Variants in HIPK1 observed in about 807,000 individuals in gnomAD.
HIPK1 encodes the protein homeodomain interacting protein kinase 1, also known as homeodomain-interacting protein kinase 1.
A neutral mutation model predicts 117.1 loss-of-function variants in HIPK1; 28 were observed. That is an observed-to-expected ratio of 0.24 (90% CI 0.18 to 0.33). The LOEUF is 0.33. Among genes scored for constraint, HIPK1 ranks in the 10% least tolerant of loss-of-function variants. HIPK1 has a pLI of 1.00. For missense variants in HIPK1, 1,122 were observed against 1,475.1 expected, an observed-to-expected ratio of 0.76 and a Z score of 3.92; for synonymous variants, 605 against 562.5, an observed-to-expected ratio of 1.08 and a Z score of -1.07.
chr1:113,951,857 A>G (rs533760654), intron 2 of HIPK1, among the ~76,000 whole-genome samples: 11 of 151,742 alleles, frequency 7.2e-5, no homozygotes, highest in Non-Finnish European at 1.6e-4. Flanking sequence ...TGTGCTGTCA[A>G]CACCATGTCT....
intron 1 of HIPK1, among the ~76,000 whole-genome samples, chr1:113,940,093 CT>C: frequency 6.6e-6 from 1 of 152,154 alleles, no homozygotes; most frequent in East Asian, 1.9e-4. Context: ...GCTTGAGCCA[CT>C]GTGCCTGGCC....
chr1:113,963,666 A>G lies in HIPK1; in HGVS notation c.2238+145A>G, dbSNP rs534271913. On this transcript the variant is annotated intron_variant, in intron 10 of 15. Coordinates refer to ENST00000426820, the MANE Select transcript of HIPK1 (RefSeq NM_198268.3). ...GCTTAGTCTTTGCAGAGGGCATGGA[A>G]GCATGTGCCATCTTGTGGCTGTGTT... 245 of 806,732 alleles carry G rather than the reference A, an allele frequency of 3.0e-4. No homozygotes were observed. In the South Asian group the frequency reaches 4.5e-3, roughly 15 times the overall value. The allele number at this position is 806,732 out of a possible 1,614,324, so 50.0% of individuals were successfully genotyped here. A position where few individuals can be genotyped will look rare whatever the true frequency, so the allele number is the denominator to read the frequency against.
chr1:113,973,489 A>G lies in HIPK1; in HGVS notation c.3610A>G (p.Ile1204Val). The change falls in exon 16 of 16, where the codon ATC (isoleucine) becomes GTC (valine). Residue 1204 changes from isoleucine (I) to valine (V), a missense_variant. Ile to Val is a conservative substitution (Grantham distance 29). Transcript: ENST00000426820. ...TGGATACCCGCTGAGTCCTACCAAGATCAGCCAGTATTCCTACTTATAGTT... is the reference window on the plus strand; with the variant it reads ...TGGATACCCGCTGAGTCCTACCAAGGTCAGCCAGTATTCCTACTTATAGTT... The part of the protein sequence containing the change: ...YTGYPLSPTK[I>V]SQYSYL 2 of 1,596,198 alleles carry G rather than the reference A, an allele frequency of 1.3e-6. No homozygotes were observed. The highest frequency in any genetic ancestry group is 1.7e-6 in the Non-Finnish European group (2 of 1,169,226).
In HIPK1 at chr1:113,952,757, T is replaced by A. The variant is rs776623443; in HGVS notation, c.1077-9T>A. On this transcript the variant is annotated splice_polypyrimidine_tract_variant and intron_variant, in intron 2 of 15. Coordinates refer to ENST00000426820, the MANE Select transcript of HIPK1 (RefSeq NM_198268.3). ...TTTTTTTTAATCTGATATTTTTTGT[T>A]TTTGCTAGAGCTCCTGAAATTATTC... 10 of 1,459,184 alleles carry A rather than the reference T, an allele frequency of 6.9e-6. No homozygotes were observed. The highest frequency in any genetic ancestry group is 8.2e-6 in the Non-Finnish European group (9 of 1,102,228). 90.4% of individuals were successfully genotyped at this position (1,459,184 alleles called of 1,614,324 possible).
chr1:113,932,920 A>T (rs929167359), intron 1 of HIPK1, among the ~76,000 whole-genome samples: 2 of 152,076 alleles, frequency 1.3e-5, no homozygotes, highest in Non-Finnish European at 2.9e-5. Flanking sequence ...GCCTTACTTA[A>T]GTCCCGTTTT....
chr1:113,966,798 A>G lies in HIPK1; in HGVS notation c.2381+526A>G, dbSNP rs549478705. On this transcript the variant is annotated intron_variant, in intron 11 of 15. Transcript: ENST00000426820. ...ATGTACAATTAAGTTATTACTGACT[A>G]TAATCACCTATTGCGCTATCAAATA... Among the ~76,000 whole-genome samples the G allele has an allele frequency of 3.3e-5, 5 of 151,936 alleles. No homozygotes were observed. In the South Asian group the frequency reaches 6.2e-4, roughly 19 times the overall value.
At chr1:113,961,497 T>C (rs1395003969) in intron 8 of HIPK1, among the ~76,000 whole-genome samples, 3 of 152,180 alleles carry the variant, frequency 2.0e-5, no homozygotes, top group South Asian at 2.1e-4. Context: ...TTTTGAGGAA[T>C]GGGGAAAAGC....
At chr1:113,942,205 C>A (rs1171345119) in intron 2 of HIPK1, among the ~76,000 whole-genome samples, 14 of 151,988 alleles carry the variant, frequency 9.2e-5, no homozygotes, top group Admixed American at 8.5e-4. Flanking sequence ...GGACTACAGG[C>A]ACCTGCTACC....
chr1:113,941,743 A>C lies in HIPK1; in HGVS notation c.1076+284A>C, dbSNP rs1477490486. On this transcript the variant is annotated intron_variant, in intron 2 of 15. Coordinates refer to ENST00000426820, the MANE Select transcript of HIPK1 (RefSeq NM_198268.3). This position sits in a 1 kb window ranked among gnomAD's most constrained non-coding sequence, Gnocchi z 4.9. ...TAGTATTATTTTACCTCATTTTCCC[A>C]TTTTATTTATTTTATTTATTTATTT... 1.3e-5 allele frequency among the ~76,000 whole-genome samples: 2 copies of C among 151,626 alleles called. No individual in the cohort carries two copies. Among genetic ancestry groups the C allele is most frequent in the Non-Finnish European group, 2.9e-5 (2 of 67,954 alleles).
rs1382692304 is a variant in HIPK1, at chr1:113,973,779, C to G, written c.*267C>G. 2 of 313,880 alleles carry G rather than the reference C, an allele frequency of 6.4e-6. No individual in the cohort carries two copies. The highest frequency in any genetic ancestry group is 1.1e-4 in the East Asian group (2 of 18,394). 19.4% of individuals were successfully genotyped at this position (313,880 alleles called of 1,614,324 possible). On this transcript the variant is annotated 3_prime_UTR_variant, in exon 16 of 16. Coordinates refer to ENST00000426820, the MANE Select transcript of HIPK1 (RefSeq NM_198268.3). ...TTTGGTACTTGGAAGAGTTCAGATGCCCATCTTCTGCAGTTACCAAGGAAG... is the reference window on the plus strand; with the variant it reads ...TTTGGTACTTGGAAGAGTTCAGATGGCCATCTTCTGCAGTTACCAAGGAAG...
chr1:113,940,778 G>A lies in HIPK1; in HGVS notation c.395G>A (p.Ser132Asn), dbSNP rs1271306053. ...GLKRKSEEVD[S>N]NGSVQIIEEH... ...AAACGAAAAAGTGAGGAAGTTGACA[G>A]CAACGGTAGTGTGCAGATCATAGAA... Residue 132 changes from serine (S) to asparagine (N), a missense_variant, in exon 2 of 16, where the codon AGC (serine) becomes AAC (asparagine). Physicochemically the swap from Ser to Asn is conservative, Grantham distance 46. This residue lies in a region of HIPK1 where 192 missense variants were observed against 234.0 expected (regional missense o/e 0.82). Coordinates refer to ENST00000426820, the MANE Select transcript of HIPK1 (RefSeq NM_198268.3). The A allele has an allele frequency of 6.2e-7, 1 of 1,614,094 alleles. No homozygotes were observed. The highest frequency in any genetic ancestry group is 1.7e-5 in the Admixed American group (1 of 60,024).
rs1411144736 is a variant in HIPK1 at position 113,958,077 on chromosome 1, A to G, written c.1767A>G (p.Leu589=). The change falls in exon 8 of 16, where the codon CTA becomes CTG. Residue 589 remains leucine (L), a synonymous_variant. Transcript: ENST00000426820. The part of the protein sequence containing the change: ...LNTVHNQASV[L]ASSSTAAAAT... Reference sequence around the variant, plus strand: ...CCTTTTGTTTTTAGGCCAGTGTTCTAGCTTCCAGTTCTACTGCAGCAGCTG... The same window carrying G: ...CCTTTTGTTTTTAGGCCAGTGTTCTGGCTTCCAGTTCTACTGCAGCAGCTG... 1 of 1,613,548 alleles carries G rather than the reference A, an allele frequency of 6.2e-7. No homozygotes were observed. Among genetic ancestry groups the G allele is most frequent in the Non-Finnish European group, 8.5e-7 (1 of 1,179,452 alleles).
At chr1:113,938,679 G>A (rs1670413638) in intron 1 of HIPK1, among the ~76,000 whole-genome samples, 1 of 151,546 alleles carries the variant, frequency 6.6e-6, no homozygotes, top group Non-Finnish European at 1.5e-5. Flanking sequence ...GAGGGTGAGG[G>A]GGGTGGATCA....
At position 113,952,835 on chromosome 1, in the gene HIPK1, A is replaced by G. The variant is rs1373709670; in HGVS notation, c.1146A>G (p.Ile382Met). 1.9e-6 allele frequency: 3 copies of G among 1,558,390 alleles called. No homozygotes were observed. Among genetic ancestry groups the G allele is most frequent in the Non-Finnish European group, 2.6e-6 (3 of 1,149,568 alleles). Residue 382 changes from isoleucine (I) to methionine (M), a missense_variant, in exon 3 of 16, where the codon ATA becomes ATG. Coordinates refer to ENST00000426820, the MANE Select transcript of HIPK1 (RefSeq NM_198268.3). Reference sequence around the variant, plus strand: ...ATATGTGGTCACTGGGCTGTGTGATAGCTGAGCTGTTCCTGGGATGGCCTC... The same window carrying G: ...ATATGTGGTCACTGGGCTGTGTGATGGCTGAGCTGTTCCTGGGATGGCCTC... ...AIDMWSLGCVIAELFLGWPLY... is the reference protein window; with the variant it reads ...AIDMWSLGCVMAELFLGWPLY...
chr1:113,972,865 G>A (rs548900927), intron 15 of HIPK1, among the ~76,000 whole-genome samples, 159 bp from the exon 16 acceptor site: 29 of 152,230 alleles, frequency 1.9e-4, no homozygotes, highest in Non-Finnish European at 4.0e-4. Context: ...CAGAAGGAGG[G>A]GTGGCTGATT....
chr1:113,970,279 C>A, intron 14 of HIPK1, 82 bp downstream of exon 14: 5 of 1,451,110 alleles, frequency 3.4e-6, no homozygotes, highest in Non-Finnish European at 4.8e-6. Context: ...CCACTTATAT[C>A]AGTGGTAGAG....
chr1:113,965,478 A>C (rs1305336681), intron 10 of HIPK1, among the ~76,000 whole-genome samples: 1 of 152,236 alleles, frequency 6.6e-6, no homozygotes, highest in Non-Finnish European at 1.5e-5. Context: ...TATTAGAAAC[A>C]AAGTATGATG....
intron 8 of HIPK1, among the ~76,000 whole-genome samples, chr1:113,961,814 C>T (rs1005487371): frequency 2.6e-5 from 4 of 151,772 alleles, no homozygotes; most frequent in African/African-American, 4.8e-5. Context: ...CGTGGTGGCG[C>T]ACTCCTGTAG....
intron 1 of HIPK1, 80 bp from the exon 2 acceptor site, chr1:113,940,302 G>T (rs1201453626): frequency 2.5e-6 from 3 of 1,210,152 alleles, no homozygotes; most frequent in Non-Finnish European, 3.5e-6. Flanking sequence ...GTAAAAGTGT[G>T]TGTGTGTGTT....
Sources: allele counts gnomAD v4.1 joint callset (sites outside exome capture counted in the v4.1 genomes callset), GRCh38; gene constraint gnomAD v4.1.1; regional missense constraint gnomAD v4.1.1; non-coding constraint Gnocchi (gnomAD v3.1); transcripts MANE v1.5; gene names NCBI Gene and HGNC (gene_info 2026-07-23, HGNC 2026-07-21).